Variants in CAMTA1 observed in about 807,000 individuals in gnomAD.
CAMTA1 encodes calmodulin-binding transcription activator 1.
In CAMTA1, 27 loss-of-function variants were observed where a neutral mutation model predicts 170.9. The ratio of observed to expected loss-of-function variants is 0.16; its 90% CI spans 0.12 to 0.22. The LOEUF (loss-of-function observed/expected upper bound fraction) is 0.22, where lower values mean the gene tolerates loss of function less well. Ranked by LOEUF, CAMTA1 falls within the 10% of genes least tolerant of loss-of-function variation. The probability of loss-of-function intolerance (pLI) is 1.00; values close to 1 mark genes in which losing one functional copy is unlikely to be tolerated. For synonymous variants in CAMTA1, 833 were observed against 891.5 expected (o/e 0.93, Z 1.17); for missense variants, 1,619 against 2,217.2 (o/e 0.73, Z 5.42).
At chr1:6,930,137 G>A (rs974945089) in intron 3 of CAMTA1, among the ~76,000 whole-genome samples, 18 of 152,164 alleles carry the variant, frequency 1.2e-4, no homozygotes, top group African/African-American at 3.9e-4. Flanking sequence ...TACCTTGTTG[G>A]TCTCTGGGTA....
At chr1:7,602,266 C>T (rs1045533755) in intron 6 of CAMTA1, among the ~76,000 whole-genome samples, 4 of 151,138 alleles carry the variant, frequency 2.6e-5, no homozygotes, top group African/African-American at 9.8e-5. Context: ...TAGAATTCGG[C>T]TGTGAATCCA....
Position 7,463,617 on chromosome 1 carries a change from A to G in CAMTA1, c.439-4213A>G, listed in dbSNP as rs138661754. On this transcript the variant is annotated intron_variant, in intron 5 of 22. Transcript: ENST00000303635. The surrounding 1 kb of genome is among the most constrained non-coding windows in gnomAD (Gnocchi z 4.7). ...CGGAAGAAGAGAGACCAAGGGACAGAGACACAGAGAGGCAAGGAGAGAGAG... is the reference window on the plus strand; with the variant it reads ...CGGAAGAAGAGAGACCAAGGGACAGGGACACAGAGAGGCAAGGAGAGAGAG... 9.9e-3 allele frequency among the ~76,000 whole-genome samples: 1,508 copies of G among 152,322 alleles called. 12 individuals are homozygous for G. Among genetic ancestry groups the G allele is most frequent in the Admixed American group, 0.015 (236 of 15,302 alleles).
At chr1:7,533,221 C>G (rs560080111) in intron 6 of CAMTA1, among the ~76,000 whole-genome samples, 6 of 152,314 alleles carry the variant, frequency 3.9e-5, no homozygotes, top group African/African-American at 1.4e-4. Flanking sequence ...GAGCCTCCCT[C>G]CAGGGGCAGG....
chr1:7,271,506 A>G (rs180680514), intron 5 of CAMTA1, among the ~76,000 whole-genome samples: 8 of 152,262 alleles, frequency 5.3e-5, no homozygotes, highest in Admixed American at 5.2e-4. Context: ...CAATGAAACC[A>G]GAAGTTGATA....
intron 5 of CAMTA1, among the ~76,000 whole-genome samples, chr1:7,424,020 T>A (rs1318895647): frequency 6.6e-6 from 1 of 152,146 alleles, no homozygotes; most frequent in Non-Finnish European, 1.5e-5. Flanking sequence ...CCCAGCACCA[T>A]GCGGCACCTT....
chr1:7,310,120 C>T (rs996417272), intron 5 of CAMTA1, among the ~76,000 whole-genome samples: 2 of 152,200 alleles, frequency 1.3e-5, no homozygotes, highest in Non-Finnish European at 2.9e-5. Context: ...CTGCTGGCAA[C>T]TAATTCTCTT....
chr1:6,998,832 T>C (rs543658751), intron 3 of CAMTA1, among the ~76,000 whole-genome samples: 15 of 152,378 alleles, frequency 9.8e-5, no homozygotes. Flanking sequence ...TGGACATCTA[T>C]GTTCAAAAGC....
chr1:7,434,942 C>T (rs2092300487), intron 5 of CAMTA1, among the ~76,000 whole-genome samples: 1 of 151,800 alleles, frequency 6.6e-6, no homozygotes, highest in Non-Finnish European at 1.5e-5. Context: ...GTCCTACCTA[C>T]TGGGTAGGCT....
At chr1:6,878,686 G>A (rs944896065) in intron 3 of CAMTA1, among the ~76,000 whole-genome samples, 2 of 152,174 alleles carry the variant, frequency 1.3e-5, no homozygotes. Flanking sequence ...GATCCCCAGC[G>A]ATTTGTTCTA....
intron 3 of CAMTA1, among the ~76,000 whole-genome samples, chr1:6,964,762 C>T (rs1284603280): frequency 6.6e-6 from 1 of 152,218 alleles, no homozygotes; most frequent in Non-Finnish European, 1.5e-5. Flanking sequence ...CTCCAAGAGG[C>T]CTCATGCAGG....
chr1:7,363,576 A>T (rs1416137491), intron 5 of CAMTA1, among the ~76,000 whole-genome samples: 1 of 152,136 alleles, frequency 6.6e-6, no homozygotes, highest in Non-Finnish European at 1.5e-5. Context: ...AGTGAGTGAC[A>T]TTTCACAGGA....
At chr1:6,891,385 C>T (rs1055016514) in intron 3 of CAMTA1, among the ~76,000 whole-genome samples, 3 of 152,212 alleles carry the variant, frequency 2.0e-5, no homozygotes, top group Admixed American at 1.3e-4. Flanking sequence ...CGCTCAGTCC[C>T]TGAATTCCAT....
chr1:7,220,212 C>A (rs1660498275), intron 4 of CAMTA1, among the ~76,000 whole-genome samples: 2 of 152,256 alleles, frequency 1.3e-5, no homozygotes, highest in South Asian at 4.1e-4. Flanking sequence ...TGCAGGGGGT[C>A]AAGAATGTTT....
chr1:7,594,139 G>GA (rs1351655341), intron 6 of CAMTA1, among the ~76,000 whole-genome samples: 2,276 of 140,988 alleles, frequency 0.016, 66 homozygotes, highest in African/African-American at 0.065. Context: ...AAGAAAGAAA[G>GA]AAGGAAGGAA....
At chr1:6,851,200 G>T (rs1660243289) in intron 3 of CAMTA1, among the ~76,000 whole-genome samples, 1 of 152,124 alleles carries the variant, frequency 6.6e-6, no homozygotes, top group African/African-American at 2.4e-5. Context: ...GGAGTTAAAA[G>T]ATTAAGAATA....
At chr1:7,038,945 C>T (rs2101278361) in intron 3 of CAMTA1, among the ~76,000 whole-genome samples, 1 of 152,230 alleles carries the variant, frequency 6.6e-6, no homozygotes, top group East Asian at 1.9e-4. Flanking sequence ...GAGACTGAGG[C>T]AGGAGAATTG....
At chr1:7,169,482 GT>G (rs140632208) in intron 4 of CAMTA1, among the ~76,000 whole-genome samples, 2,506 of 152,160 alleles carry the variant, frequency 0.016, 66 homozygotes, top group African/African-American at 0.053. Context: ...GTTTAGATAA[GT>G]TTTTTTAATA....
At chr1:7,157,039 A>C (rs1646923308) in intron 4 of CAMTA1, among the ~76,000 whole-genome samples, 1 of 152,118 alleles carries the variant, frequency 6.6e-6, no homozygotes, top group African/African-American at 2.4e-5. Context: ...CACTTAACAC[A>C]AAAATTAATA....
intron 6 of CAMTA1, among the ~76,000 whole-genome samples, chr1:7,501,003 G>A (rs1287908240): frequency 1.3e-5 from 2 of 152,138 alleles, no homozygotes; most frequent in Non-Finnish European, 2.9e-5. Context: ...GGGTCTGCAG[G>A]ACCAAAGCTG....
Sources: allele counts gnomAD v4.1 joint callset (sites outside exome capture counted in the v4.1 genomes callset), GRCh38; gene constraint gnomAD v4.1.1; non-coding constraint Gnocchi (gnomAD v3.1); transcripts MANE v1.5; gene names NCBI Gene and HGNC (gene_info 2026-07-23, HGNC 2026-07-21).